Variants in CHD9 observed in about 807,000 individuals in gnomAD.
The protein encoded by CHD9 is ATP-dependent chromatin remodeler CHD9.
CHD9 carries 77 observed loss-of-function variants against 316.1 expected under a neutral mutation model. That is an observed-to-expected ratio of 0.24 (90% CI 0.20 to 0.29). CHD9 has a LOEUF of 0.29. Ranked by LOEUF, CHD9 falls within the 10% of genes least tolerant of loss-of-function variation. CHD9 has a pLI of 1.00. For synonymous variants in CHD9, 1,129 were observed against 1,158.3 expected, an observed-to-expected ratio of 0.97 and a Z score of 0.51; for missense variants, 2,763 against 3,438.1, an observed-to-expected ratio of 0.80 and a Z score of 4.91.
chr16:53,156,792 T>G lies in CHD9; in HGVS notation c.703T>G (p.Ser235Ala). Reference protein sequence around the residue: ...SISMQQFSQTSNPSAHFHKCS... With the variant: ...SISMQQFSQTANPSAHFHKCS... ...TTCAATGCAGCAATTTTCTCAAACGTCAAATCCTTCAGCACACTTCCACAA... is the reference window on the plus strand; with the variant it reads ...TTCAATGCAGCAATTTTCTCAAACGGCAAATCCTTCAGCACACTTCCACAA... Residue 235 changes from serine to alanine, a missense_variant, in exon 2 of 39, where the codon TCA becomes GCA. By Grantham distance (99) the Ser-to-Ala change is moderately conservative. This residue lies in a region of CHD9 where 859 missense variants were observed against 890.4 expected (regional missense o/e 0.96). Coordinates refer to ENST00000447540, the MANE Select transcript of CHD9 (RefSeq NM_001308319.2). 2 of 1,613,830 alleles carry G rather than the reference T, an allele frequency of 1.2e-6. No individual in the cohort carries two copies. Among genetic ancestry groups the G allele is most frequent in the Non-Finnish European group, 1.7e-6 (2 of 1,179,896 alleles).
At chr16:53,170,704 A>G (rs934095978) in intron 2 of CHD9, among the ~76,000 whole-genome samples, 1 of 151,950 alleles carries the variant, frequency 6.6e-6, no homozygotes, top group Non-Finnish European at 1.5e-5. Context: ...GATTTTGTTT[A>G]GGCCCTTACT....
At chr16:53,147,694 A>T (rs1325386159) in intron 1 of CHD9, among the ~76,000 whole-genome samples, 1 of 152,158 alleles carries the variant, frequency 6.6e-6, no homozygotes, top group Non-Finnish European at 1.5e-5. Context: ...AAACTTTATT[A>T]CTTTTTATGA....
chr16:53,214,776 G>A (rs959427895), intron 3 of CHD9, among the ~76,000 whole-genome samples: 1 of 152,056 alleles, frequency 6.6e-6, no homozygotes, highest in African/African-American at 2.4e-5. Context: ...TGAATCTAAA[G>A]TGTCATTGAT....
At chr16:53,286,407 C>A in intron 26 of CHD9, 64 bp downstream of exon 26, 2 of 812,366 alleles carry the variant, frequency 2.5e-6, no homozygotes, top group East Asian at 2.6e-5. Flanking sequence ...TCAGCATATT[C>A]TATGTCACAC....
chr16:53,181,937 A>G (rs956477729), intron 2 of CHD9, among the ~76,000 whole-genome samples: 1 of 152,094 alleles, frequency 6.6e-6, no homozygotes, highest in Non-Finnish European at 1.5e-5. Flanking sequence ...AAACTTAGCC[A>G]GGCATGGTGG....
intron 1 of CHD9, among the ~76,000 whole-genome samples, chr16:53,093,378 A>G (rs866507229): frequency 8.5e-5 from 13 of 152,360 alleles, no homozygotes; most frequent in South Asian, 8.3e-4. Flanking sequence ...TTACAGCCCT[A>G]AGCACTATGC....
chr16:53,171,260 T>C (rs1038474901), intron 2 of CHD9, among the ~76,000 whole-genome samples: 3 of 151,174 alleles, frequency 2.0e-5, no homozygotes, highest in African/African-American at 7.3e-5. Context: ...CACTAAAAAA[T>C]ACAAAAAAAT....
At chr16:53,282,743 A>T (rs796582598) in intron 24 of CHD9, among the ~76,000 whole-genome samples, 1 of 152,184 alleles carries the variant, frequency 6.6e-6, no homozygotes, top group Non-Finnish European at 1.5e-5. Flanking sequence ...GCCAAATTTG[A>T]TGGATATACC....
rs1438888534 is a variant in CHD9 at position 53,326,530 on chromosome 16, CA to C, written c.*1639del. The C allele has an allele frequency of 6.6e-6, 1 of 152,352 alleles. No individual in the cohort carries two copies. The highest frequency in any genetic ancestry group is 1.5e-5 in the Non-Finnish European group (1 of 67,890). 9.4% of individuals were successfully genotyped at this position (152,352 alleles called of 1,614,324 possible). A position where few individuals can be genotyped will look rare whatever the true frequency, so the allele number is the denominator to read the frequency against. On this transcript the variant is annotated 3_prime_UTR_variant, in exon 39 of 39. Coordinates refer to ENST00000447540, the MANE Select transcript of CHD9 (RefSeq NM_001308319.2). ...AGAGAGACAGTGTTATATGTATTTA[CA>C]AAATTATATAAGTTCCATTGGGATT...
At chr16:53,188,243 T>C (rs1244948169) in intron 2 of CHD9, among the ~76,000 whole-genome samples, 1 of 152,240 alleles carries the variant, frequency 6.6e-6, no homozygotes, top group Non-Finnish European at 1.5e-5. Flanking sequence ...TAGTGATGGA[T>C]ATTTCAGTTG....
chr16:53,173,038 TG>T (rs1191668051), intron 2 of CHD9, among the ~76,000 whole-genome samples: 1 of 152,170 alleles, frequency 6.6e-6, no homozygotes, highest in East Asian at 1.9e-4. Flanking sequence ...AAAATAAAAT[TG>T]TGTTTTGTTT....
chr16:53,295,741 A>G (rs546487684), intron 29 of CHD9, among the ~76,000 whole-genome samples: 1 of 152,128 alleles, frequency 6.6e-6, no homozygotes, highest in Non-Finnish European at 1.5e-5. Context: ...ATGTATCACT[A>G]TGATAAAAAT....
chr16:53,058,628 A>C (rs1274766378), intron 1 of CHD9, among the ~76,000 whole-genome samples: 1 of 152,184 alleles, frequency 6.6e-6, no homozygotes, highest in African/African-American at 2.4e-5. Flanking sequence ...CAGGCGGCTC[A>C]GTGTCTTGTG....
At chr16:53,157,591 G>A (rs1232009786) in intron 2 of CHD9, 50 bp downstream of exon 2, 7 of 1,514,038 alleles carry the variant, frequency 4.6e-6, no homozygotes, top group Admixed American at 4.2e-5. Context: ...AGGGCGGACT[G>A]TTAGTCATTG....
At chr16:53,104,182 A>AT (rs1202149017) in intron 1 of CHD9, among the ~76,000 whole-genome samples, 1 of 152,060 alleles carries the variant, frequency 6.6e-6, no homozygotes, top group African/African-American at 2.4e-5. Context: ...CTGACATTTT[A>AT]TTTTTTCCCC....
intron 1 of CHD9, among the ~76,000 whole-genome samples, chr16:53,140,312 G>T (rs2040009360): frequency 6.6e-6 from 1 of 150,890 alleles, no homozygotes; most frequent in South Asian, 2.1e-4. Flanking sequence ...CAAAAAATTA[G>T]CCAGATGTGG....
chr16:53,169,304 C>T (rs575371665), intron 2 of CHD9: 1 of 152,324 alleles, frequency 6.6e-6, no homozygotes, highest in African/African-American at 2.4e-5. Flanking sequence ...AAGCAGCCCT[C>T]CCACCTTGAC....
At chr16:53,262,193 T>C (rs2051205122) in intron 19 of CHD9, among the ~76,000 whole-genome samples, 1 of 152,172 alleles carries the variant, frequency 6.6e-6, no homozygotes, top group African/African-American at 2.4e-5. Context: ...CCTTAACACA[T>C]TGTGTATCTT....
Position 53,156,215 on chromosome 16 carries a change from T to C in CHD9, c.126T>C (p.Gly42=). ...PVSLVDELNL[G]AEFEPLHIDS... ...CACTAGTTGATGAATTGAATTTGGGTGCAGAATTTGAACCGTTGCACATAG... is the reference window on the plus strand; with the variant it reads ...CACTAGTTGATGAATTGAATTTGGGCGCAGAATTTGAACCGTTGCACATAG... The change falls in exon 2 of 39, where the codon GGT becomes GGC. Residue 42 remains glycine, a synonymous_variant. Coordinates refer to ENST00000447540, the MANE Select transcript of CHD9 (RefSeq NM_001308319.2). The C allele has an allele frequency of 6.2e-7, 1 of 1,614,018 alleles. No individual in the cohort carries two copies. The highest frequency in any genetic ancestry group is 8.5e-7 in the Non-Finnish European group (1 of 1,179,892).
Sources: gnomAD v4.1 joint callset for allele counts (sites outside exome capture counted in the v4.1 genomes callset) on GRCh38, gnomAD v4.1.1 for gene constraint, gnomAD v4.1.1 regional missense constraint, MANE v1.5 for transcripts, NCBI Gene and HGNC (gene_info 2026-07-23, HGNC 2026-07-21) for gene names.